The following COL24A1 variants were observed in gnomAD, a reference collection of about 807,000 sequenced individuals.
COL24A1 encodes collagen alpha-1(XXIV) chain.
Under a neutral mutation model 253.9 loss-of-function variants are expected in COL24A1, and 224 were observed. The ratio of observed to expected loss-of-function variants is 0.88; its 90% CI spans 0.79 to 0.99. The LOEUF is 0.99. Ranked by LOEUF, COL24A1 falls within the 50% of genes least tolerant of loss-of-function variation. The probability of loss-of-function intolerance (pLI) is 0.00; values close to 1 mark genes in which losing one functional copy is unlikely to be tolerated. For synonymous variants in COL24A1, 685 were observed against 673.7 expected (o/e 1.02, Z -0.26); for missense variants, 2,131 against 2,068.5 (o/e 1.03, Z -0.59).
intron 53 of COL24A1, among the ~76,000 whole-genome samples, chr1:85,769,568 G>T (rs750139751): frequency 6.6e-6 from 1 of 152,018 alleles, no homozygotes. Context: ...ATCAGCAGGA[G>T]CTCTCTACCA....
intron 24 of COL24A1, among the ~76,000 whole-genome samples, chr1:85,913,254 G>A (rs752693687): frequency 1.1e-4 from 17 of 152,104 alleles, no homozygotes; most frequent in Non-Finnish European, 2.2e-4. Context: ...TTGATAAAAC[G>A]GTGAAATGGC....
At chr1:85,755,407 T>G (rs1455921624) in intron 55 of COL24A1, among the ~76,000 whole-genome samples, 2 of 152,176 alleles carry the variant, frequency 1.3e-5, no homozygotes, top group African/African-American at 4.8e-5. Context: ...ACATATAGTA[T>G]AGACCCCAAG....
At chr1:86,144,026 A>G (rs1350170083) in intron 2 of COL24A1, among the ~76,000 whole-genome samples, 1 of 152,104 alleles carries the variant, frequency 6.6e-6, no homozygotes, top group East Asian at 1.9e-4. Context: ...TTCTTTTAGG[A>G]AAAAAGTGTT....
intron 52 of COL24A1, among the ~76,000 whole-genome samples, chr1:85,780,106 C>T (rs1281957834): frequency 6.6e-6 from 1 of 152,154 alleles, no homozygotes; most frequent in Non-Finnish European, 1.5e-5. Context: ...TATGAGAATT[C>T]TCCCACTTAC....
chr1:86,121,020 T>C (rs1012343783), intron 3 of COL24A1, among the ~76,000 whole-genome samples: 1 of 152,170 alleles, frequency 6.6e-6, no homozygotes. Flanking sequence ...GAACCATCAT[T>C]CTGAGCAAAC....
intron 38 of COL24A1, among the ~76,000 whole-genome samples, chr1:85,848,328 G>T (rs1677371410): frequency 6.6e-6 from 1 of 150,792 alleles, no homozygotes; most frequent in Admixed American, 6.6e-5. Flanking sequence ...TGTTTTTTTT[G>T]AGACCAAGTC....
At chr1:85,923,553 C>T (rs1185110901) in intron 24 of COL24A1, among the ~76,000 whole-genome samples, 1 of 152,162 alleles carries the variant, frequency 6.6e-6, no homozygotes, top group Non-Finnish European at 1.5e-5. Flanking sequence ...AACTGAACAA[C>T]CAGCTCCTGA....
chr1:86,127,584 T>G (rs1472391407), intron 2 of COL24A1, among the ~76,000 whole-genome samples: 1 of 152,084 alleles, frequency 6.6e-6, no homozygotes, highest in Non-Finnish European at 1.5e-5. Context: ...CTGCATGATC[T>G]TTATTATTCT....
In COL24A1 at chr1:85,967,020, G is replaced by C. The variant is rs916665784; in HGVS notation, c.2464-1958C>G. ...GAGAAAAGAATATGTAGGAGAGACA[G>C]AGGGAATTGTTGGACCAGTTATCTT... is the stretch of plus-strand genomic sequence containing the variant. On this transcript the variant is annotated intron_variant, in intron 22 of 59. Transcript: ENST00000370571. 3.3e-5 allele frequency among the ~76,000 whole-genome samples: 5 copies of C among 152,204 alleles called. 1 individual carries two copies. Among genetic ancestry groups the C allele is most frequent in the African/African-American group, 9.6e-5 (4 of 41,456 alleles).
At chr1:86,136,727 C>A (rs1650311034) in intron 2 of COL24A1, among the ~76,000 whole-genome samples, 1 of 152,036 alleles carries the variant, frequency 6.6e-6, no homozygotes, top group Non-Finnish European at 1.5e-5. Flanking sequence ...CACACCACTC[C>A]ACATATCCCT....
chr1:86,126,000 T>A lies in COL24A1; in HGVS notation c.336A>T (p.Leu112Phe). The change falls in exon 3 of 60, where the codon TTA becomes TTT. Residue 112 changes from leucine to phenylalanine, a missense_variant. Leu to Phe is a conservative substitution (Grantham distance 22). Transcript: ENST00000370571. Reference sequence around the variant, plus strand: ...ATGCATTGTTCACCCGATGTGACTGTAACCCAGTTAATATTGTAAACGGCT... The same window carrying A: ...ATGCATTGTTCACCCGATGTGACTGAAACCCAGTTAATATTGTAAACGGCT... ...LGQPFTILTG[L>F]QSHRVNNAFL... 6.2e-7 allele frequency: 1 copy of A among 1,613,638 alleles called. No homozygotes were observed. The highest frequency in any genetic ancestry group is 8.5e-7 in the Non-Finnish European group (1 of 1,179,794).
chr1:85,841,160 G>A lies in COL24A1; in HGVS notation c.3627+62C>T, dbSNP rs1676569738. The A allele has an allele frequency of 6.1e-6, 7 of 1,143,396 alleles. No individual in the cohort carries two copies. In the South Asian group the frequency reaches 8.6e-5, roughly 14 times the overall value. The allele number at this position is 1,143,396 out of a possible 1,614,324, so 70.8% of individuals were successfully genotyped here. On this transcript the variant is annotated intron_variant, in intron 42 of 59. Coordinates refer to ENST00000370571, the MANE Select transcript of COL24A1 (RefSeq NM_152890.7). Reference sequence around the variant, plus strand: ...CTTGAAAAGATTTAATTGGTGTTGTGAATCTATTATATAATTGTGTTTTAT... The same window carrying A: ...CTTGAAAAGATTTAATTGGTGTTGTAAATCTATTATATAATTGTGTTTTAT...
chr1:86,062,325 T>C (rs1014827596), intron 8 of COL24A1, among the ~76,000 whole-genome samples: 1 of 152,070 alleles, frequency 6.6e-6, no homozygotes, highest in African/African-American at 2.4e-5. Flanking sequence ...CTCCTCTGAA[T>C]GTCCACAGTA....
chr1:85,821,564 G>C (rs1673622413), intron 45 of COL24A1, among the ~76,000 whole-genome samples: 1 of 152,160 alleles, frequency 6.6e-6, no homozygotes, highest in African/African-American at 2.4e-5. Flanking sequence ...GGCCACTGAA[G>C]GTGTCCCTAG....
At chr1:85,879,196 G>T (rs1681537346) in intron 32 of COL24A1, among the ~76,000 whole-genome samples, 1 of 150,760 alleles carries the variant, frequency 6.6e-6, no homozygotes, top group African/African-American at 2.4e-5. Flanking sequence ...TTATATTTTA[G>T]GAGTTTTATG....
At chr1:86,135,030 C>CT (rs1185794711) in intron 2 of COL24A1, among the ~76,000 whole-genome samples, 4 of 151,704 alleles carry the variant, frequency 2.6e-5, no homozygotes, top group African/African-American at 9.7e-5. Context: ...AATCTGGGTG[C>CT]TCCTGCATTG....
chr1:85,775,150 G>C (rs75373942), intron 53 of COL24A1, among the ~76,000 whole-genome samples: 7 of 152,150 alleles, frequency 4.6e-5, no homozygotes, highest in Non-Finnish European at 7.3e-5. Flanking sequence ...TTCAGAAGCA[G>C]GTTGTTCAGT....
chr1:86,073,074 AG>A (rs2101853070), intron 7 of COL24A1, among the ~76,000 whole-genome samples: 1 of 152,322 alleles, frequency 6.6e-6, no homozygotes, highest in Admixed American at 6.5e-5. Context: ...TCTTCTCCAG[AG>A]GATCACAACT....
intron 53 of COL24A1, among the ~76,000 whole-genome samples, chr1:85,774,381 T>A (rs1263859046): frequency 1.3e-5 from 2 of 152,204 alleles, no homozygotes; most frequent in Admixed American, 6.6e-5. Context: ...GATGCTGGCC[T>A]CATAAAATGA....
Sources: allele counts gnomAD v4.1 joint callset (sites outside exome capture counted in the v4.1 genomes callset), GRCh38; gene constraint gnomAD v4.1.1; transcripts MANE v1.5; gene names NCBI Gene and HGNC (gene_info 2026-07-23, HGNC 2026-07-21).